Variants in CD163L1 observed in about 807,000 individuals in gnomAD.
CD163L1 encodes CD163 molecule like 1.
In CD163L1, 124 loss-of-function variants were observed where a neutral mutation model predicts 165.4. The ratio of observed to expected loss-of-function variants is 0.75; its 90% CI spans 0.65 to 0.87. The LOEUF (loss-of-function observed/expected upper bound fraction) is 0.87. Ranked by LOEUF, CD163L1 falls within the 40% of genes least tolerant of loss-of-function variation. The pLI, the probability that CD163L1 is intolerant of heterozygous loss-of-function variation, is 0.00. For missense variants in CD163L1, 1,525 were observed against 1,799.9 expected (o/e 0.85, Z 2.76); for synonymous variants, 585 against 662.2 (o/e 0.88, Z 1.79).
the CD163L1 span, among the ~76,000 whole-genome samples, chr12:7,335,709 G>C: frequency 6.6e-6 from 1 of 152,206 alleles, no homozygotes; most frequent in Non-Finnish European, 1.5e-5. Context: ...ACTACCATCA[G>C]AGTGAACAGG....
At chr12:7,433,140 TTC>T (rs904562079) in intron 3 of CD163L1, among the ~76,000 whole-genome samples, 7 of 152,180 alleles carry the variant, frequency 4.6e-5, no homozygotes, top group African/African-American at 1.7e-4. Flanking sequence ...CTGTAATGCA[TTC>T]TCTCTCTGTC....
At chr12:7,388,077 G>A (rs1249981456) in intron 8 of CD163L1, among the ~76,000 whole-genome samples, 2 of 152,088 alleles carry the variant, frequency 1.3e-5, no homozygotes, top group Admixed American at 6.6e-5. Flanking sequence ...ATATCCACAT[G>A]AAGAATGAAA....
chr12:7,379,984 A>AAAAGAAT (rs1443882924), intron 8 of CD163L1, among the ~76,000 whole-genome samples: 1 of 152,108 alleles, frequency 6.6e-6, no homozygotes, highest in East Asian at 1.9e-4. Context: ...AAAAAATCAA[A>AAAAGAAT]AAAGAATAGA....
intron 8 of CD163L1, among the ~76,000 whole-genome samples, chr12:7,392,292 A>T (rs749297981): frequency 1.3e-5 from 2 of 152,206 alleles, no homozygotes; most frequent in African/African-American, 2.4e-5. Context: ...ACACAACTAC[A>T]TGGAAACTGA....
intron 18 of CD163L1, among the ~76,000 whole-genome samples, chr12:7,360,261 G>A (rs1444528118): frequency 1.3e-5 from 2 of 151,930 alleles, no homozygotes; most frequent in Non-Finnish European, 2.9e-5. Context: ...TCCTGCCTCA[G>A]CCTCCCAAGT....
chr12:7,371,978 T>C (rs957365228), intron 14 of CD163L1, among the ~76,000 whole-genome samples: 1 of 152,064 alleles, frequency 6.6e-6, no homozygotes, highest in Non-Finnish European at 1.5e-5. Context: ...TCTGTGTTTT[T>C]TTCCATGATT....
chr12:7,335,883 T>C, the CD163L1 span, among the ~76,000 whole-genome samples: 2 of 151,840 alleles, frequency 1.3e-5, no homozygotes, highest in African/African-American at 4.8e-5. Flanking sequence ...AAGACATTTA[T>C]GCAGCCAAAA....
At chr12:7,439,097 G>GCT in intron 2 of CD163L1, 11 of 1,574,410 alleles carry the variant, frequency 7.0e-6, no homozygotes, top group Non-Finnish European at 9.4e-6. Flanking sequence ...GTCCTGCCCT[G>GCT]CTCTCTCTCT....
At chr12:7,342,790 G>T (rs1197188662), downstream of CD163L1, among the ~76,000 whole-genome samples, 1 of 152,170 alleles carries the variant, frequency 6.6e-6, no homozygotes, top group Non-Finnish European at 1.5e-5. Flanking sequence ...AGTGGAGAAA[G>T]ATGCATGGGG....
rs766997333 is a variant in CD163L1 at position 7,413,117 on chromosome 12, G to T, written c.767-6265C>A. Among the ~76,000 whole-genome samples the T allele has an allele frequency of 7.6e-5, 11 of 144,732 alleles. No individual in the cohort carries two copies. In the South Asian group the frequency reaches 2.4e-3, roughly 31 times the overall value. 94.9% of individuals were successfully genotyped at this position (144,732 alleles called of 152,430 possible). A position where few individuals can be genotyped will look rare whatever the true frequency, so the allele number is the denominator to read the frequency against. ...AAAAAAAAAAAAAAAAAAAAAAGAG[G>T]TTCAAGCACCTTGGTGGAGCAAAAT... On this transcript the variant is annotated intron_variant, in intron 4 of 19. Coordinates refer to ENST00000313599, the MANE Select transcript of CD163L1 (RefSeq NM_174941.6).
intron 8 of CD163L1, among the ~76,000 whole-genome samples, chr12:7,388,223 T>C (rs1176094910): frequency 2.4e-4 from 36 of 152,198 alleles, no homozygotes; most frequent in Admixed American, 2.4e-3. Context: ...AAATATTTTA[T>C]AGCTAACATT....
At chr12:7,321,825 A>G in the CD163L1 span, among the ~76,000 whole-genome samples, 1 of 152,312 alleles carries the variant, frequency 6.6e-6, no homozygotes, top group Non-Finnish European at 1.5e-5. Flanking sequence ...CATCAACTCC[A>G]TCTAGAAGAG....
intron 4 of CD163L1, among the ~76,000 whole-genome samples, chr12:7,408,502 TG>T (rs1948074097): frequency 6.6e-6 from 1 of 152,180 alleles, no homozygotes; most frequent in South Asian, 2.1e-4. Flanking sequence ...GTATGTATTT[TG>T]GGGATACATG....
intron 18 of CD163L1, among the ~76,000 whole-genome samples, chr12:7,366,770 T>C (rs1365130029): frequency 6.6e-6 from 1 of 152,152 alleles, no homozygotes; most frequent in Non-Finnish European, 1.5e-5. Context: ...CAGATTGAGT[T>C]TTATGCACTG....
intron 2 of CD163L1, among the ~76,000 whole-genome samples, chr12:7,437,141 T>TATG (rs1948726543): frequency 7.7e-6 from 1 of 129,840 alleles, no homozygotes; most frequent in Non-Finnish European, 1.6e-5. Context: ...TTTTATTTAT[T>TATG]ATTTTTATTA....
At chr12:7,404,980 A>T (rs1035341713) in intron 5 of CD163L1, among the ~76,000 whole-genome samples, 38 of 152,260 alleles carry the variant, frequency 2.5e-4, no homozygotes, top group Middle Eastern at 3.4e-3. Context: ...TTGGGAAAAA[A>T]AAATCCTCTG....
chr12:7,348,464 A>G (rs1946685658), intron 4 of CD163L1, among the ~76,000 whole-genome samples: 1 of 152,250 alleles, frequency 6.6e-6, no homozygotes, highest in South Asian at 2.1e-4. Flanking sequence ...CCATGTGTCT[A>G]TTCCAGCCCA....
chr12:7,384,813 G>C (rs1052413870), intron 8 of CD163L1, among the ~76,000 whole-genome samples: 1 of 152,018 alleles, frequency 6.6e-6, no homozygotes, highest in Non-Finnish European at 1.5e-5. Flanking sequence ...ATATCTGGAA[G>C]TGTATATCAT....
chr12:7,351,188 TATAG>T (rs1251220979), downstream of CD163L1, among the ~76,000 whole-genome samples: 29 of 152,228 alleles, frequency 1.9e-4, no homozygotes, highest in Admixed American at 1.7e-3. Flanking sequence ...TAGATATATA[TATAG>T]ATAATGCATA....
Sources: gnomAD v4.1 joint callset for allele counts (sites outside exome capture counted in the v4.1 genomes callset) on GRCh38, gnomAD v4.1.1 for gene constraint, MANE v1.5 for transcripts, NCBI Gene and HGNC (gene_info 2026-07-23, HGNC 2026-07-21) for gene names.